ANKRD36C: variants seen among roughly 807,000 people sequenced by gnomAD.
ANKRD36C encodes ankyrin repeat domain 36C.
ANKRD36C carries 61 observed loss-of-function variants against 276.4 expected under a neutral mutation model. That is an observed-to-expected ratio of 0.22 (90% CI 0.18 to 0.27). The LOEUF (loss-of-function observed/expected upper bound fraction) is 0.27, where lower values mean the gene tolerates loss of function less well. Ranked by LOEUF, ANKRD36C falls within the 10% of genes least tolerant of loss-of-function variation. ANKRD36C has a pLI of 1.00. For synonymous variants in ANKRD36C, 483 were observed against 680.1 expected (o/e 0.71, Z 4.51); for missense variants, 1,447 against 2,032.3 (o/e 0.71, Z 5.54).
chr2:95,963,045 C>T (rs960361874), intron 6 of ANKRD36C, among the ~76,000 whole-genome samples: 1 of 152,182 alleles, frequency 6.6e-6, no homozygotes. Context: ...GTACACTTCA[C>T]ATCTCCTCAG....
chr2:95,913,960 T>C, intron 40 of ANKRD36C, 148 bp downstream of exon 42: 3 of 872,314 alleles, frequency 3.4e-6, no homozygotes, highest in Admixed American at 5.6e-5. Context: ...AGCATCAGCA[T>C]CACCCAAGAA....
intron 44 of ANKRD36C, among the ~76,000 whole-genome samples, chr2:95,892,689 C>A (rs1020876025): frequency 4.0e-5 from 6 of 151,320 alleles, no homozygotes; most frequent in Non-Finnish European, 7.4e-5. Context: ...TAGAATCCAG[C>A]ATAATTTTTG....
exon 3 of ANKRD36C, chr2:95,986,839 G>A: frequency 6.2e-7 from 1 of 1,611,932 alleles, no homozygotes. Context: ...GTGCAGAGCA[G>A]TCCTTCCAAA....
chr2:95,897,536 G>A, intron 44 of ANKRD36C, 71 bp from the exon 59 acceptor site: 2 of 1,508,302 alleles, frequency 1.3e-6, no homozygotes, highest in Non-Finnish European at 1.8e-6. Flanking sequence ...TTCATGCAGT[G>A]TTAGCATCAA....
At position 95,897,743 on chromosome 2, in the gene ANKRD36C, C is replaced by T. The variant is rs1194553073; in HGVS notation, c.2755+1402G>A. Among the ~76,000 whole-genome samples, 9 of 148,280 alleles carry T rather than the reference C, an allele frequency of 6.1e-5. 1 individual carries two copies. The highest frequency in any genetic ancestry group is 9.1e-5 in the Non-Finnish European group (6 of 66,136). On this transcript the variant is annotated intron_variant, in intron 44 of 66. Coordinates refer to ENST00000456556, the Ensembl canonical transcript of ANKRD36C. ...CATGTCAATATCAACGTGGATATGC[C>T]GAGTGATGAGGTCAAAGTGATCTAA...
chr2:95,859,975 C>T (rs77757712), exon 61 of ANKRD36C: 33 of 1,548,254 alleles, frequency 2.1e-5, no homozygotes, highest in Admixed American at 7.9e-5. Flanking sequence ...TTTCAGTTTT[C>T]GAATTTTTAC....
At chr2:95,930,131 G>C (rs113784380) in intron 24 of ANKRD36C, among the ~76,000 whole-genome samples, 1 of 151,576 alleles carries the variant, frequency 6.6e-6, no homozygotes, top group African/African-American at 2.4e-5. Context: ...TCTGGTTAAA[G>C]TATCATGTTA....
chr2:95,944,552 C>T (rs1384067723), intron 19 of ANKRD36C, 75 bp downstream of exon 19: 4 of 1,375,986 alleles, frequency 2.9e-6, no homozygotes, highest in African/African-American at 2.9e-5. Context: ...AGATCATTAA[C>T]AGATAAGAGT....
rs1573755662 is a variant in ANKRD36C, at chr2:95,908,454, C to A, written c.2653+3790G>T. On this transcript the variant is annotated intron_variant, in intron 42 of 66. Coordinates refer to ENST00000456556, the Ensembl canonical transcript of ANKRD36C. ...CTGATTTATTCACGGAAGAGAATTT[C>A]TTATCTATCTGGACTGAACATGACA... is the stretch of plus-strand genomic sequence containing the variant. 2.8e-6 allele frequency: 4 copies of A among 1,416,814 alleles called. No individual in the cohort carries two copies. The East Asian group carries it at 7.7e-5, about 27-fold the overall frequency. 87.8% of individuals were successfully genotyped at this position (1,416,814 alleles called of 1,614,324 possible). A position where few individuals can be genotyped will look rare whatever the true frequency, so the allele number is the denominator to read the frequency against.
At chr2:95,892,037 T>A (rs760815333) in intron 44 of ANKRD36C, among the ~76,000 whole-genome samples, 177 bp from the exon 65 acceptor site, 4 of 151,560 alleles carry the variant, frequency 2.6e-5, no homozygotes, top group Non-Finnish European at 4.4e-5. Context: ...GAAAAGGGAA[T>A]ACAGGCTCCA....
At chr2:95,928,578 C>G (rs186798874) in intron 26 of ANKRD36C, among the ~76,000 whole-genome samples, 1 of 151,424 alleles carries the variant, frequency 6.6e-6, no homozygotes, top group African/African-American at 2.4e-5. Context: ...TACATAAATA[C>G]CTTCTTTTTC....
exon 46 of ANKRD36C, chr2:95,891,709 A>C (rs1258932200): frequency 6.3e-7 from 1 of 1,580,588 alleles, no homozygotes; most frequent in African/African-American, 1.4e-5. Flanking sequence ...GGCTATATTC[A>C]AAACAGAATC....
rs763257448 is a variant in ANKRD36C, at chr2:95,962,416, A to G, written c.837T>C (p.Ser279=). The G allele has an allele frequency of 3.2e-6, 5 of 1,573,122 alleles. No homozygotes were observed. In the South Asian group the frequency reaches 5.7e-5, roughly 18 times the overall value. Reference sequence around the variant, plus strand: ...TATTCGAGATAGAATCTTCCTTGCCACTTGTAGCCTGAGTGGGATTTGAAA... The same window carrying G: ...TATTCGAGATAGAATCTTCCTTGCCGCTTGTAGCCTGAGTGGGATTTGAAA... Residue 279 remains serine, a synonymous_variant, in exon 8 of 67, where the codon AGT becomes AGC. Transcript: ENST00000456556.
At chr2:95,958,998 T>C (rs902733424) in intron 10 of ANKRD36C, among the ~76,000 whole-genome samples, 9 of 152,282 alleles carry the variant, frequency 5.9e-5, no homozygotes, top group African/African-American at 2.2e-4. Context: ...TCCAATTTCA[T>C]ATGTGATATT....
At chr2:95,912,341 A>T in intron 41 of ANKRD36C, 25 bp from the exon 44 acceptor site, 2 of 1,598,132 alleles carry the variant, frequency 1.3e-6, no homozygotes, top group Non-Finnish European at 1.7e-6. Context: ...AAACAAAATA[A>T]TAAATAAGGT....
intron 22 of ANKRD36C, 151 bp downstream of exon 22, chr2:95,938,678 T>A: frequency 8.8e-7 from 1 of 1,130,792 alleles, no homozygotes; most frequent in Non-Finnish European, 1.2e-6. Context: ...TAAAAATCAT[T>A]TTATAAACAA....
At chr2:95,891,764 A>G in intron 45 of ANKRD36C, 27 bp from the exon 66 acceptor site, 1 of 1,565,370 alleles carries the variant, frequency 6.4e-7, no homozygotes, top group South Asian at 1.2e-5. Flanking sequence ...ATGAAATAAT[A>G]AATTAATAAA....
intron 38 of ANKRD36C, among the ~76,000 whole-genome samples, chr2:95,915,692 C>T (rs551010202): frequency 7.9e-5 from 12 of 151,602 alleles, no homozygotes; most frequent in Non-Finnish European, 1.8e-4. Context: ...TGAAAAGATG[C>T]TACAGAATTA....
chr2:95,879,616 AAC>A (rs1015790787), intron 58 of ANKRD36C, among the ~76,000 whole-genome samples: 17 of 151,960 alleles, frequency 1.1e-4, no homozygotes, highest in Non-Finnish European at 2.1e-4. Context: ...AAAATAAAGA[AAC>A]ACACACAGTG....
Sources: allele counts gnomAD v4.1 joint callset (sites outside exome capture counted in the v4.1 genomes callset), GRCh38; gene constraint gnomAD v4.1.1; transcripts MANE v1.5; gene names NCBI Gene and HGNC (gene_info 2026-07-23, HGNC 2026-07-21).